Variants in VPS13B observed in about 807,000 individuals in gnomAD.
VPS13B encodes the protein vacuolar protein sorting 13 homolog B.
In VPS13B, 285 loss-of-function variants were observed where a neutral mutation model predicts 426.4. The observed-to-expected ratio is 0.67, with a 90% CI of 0.61 to 0.74. The LOEUF (loss-of-function observed/expected upper bound fraction) is 0.74. VPS13B is among the 30% of genes least tolerant of loss of function. The pLI is 0.00. For synonymous variants in VPS13B, 1,676 were observed against 1,676.4 expected, an observed-to-expected ratio of 1.00 and a Z score of 0.01; for missense variants, 4,537 against 4,782.6, an observed-to-expected ratio of 0.95 and a Z score of 1.51.
chr8:99,645,892 C>T (rs951270783), intron 34 of VPS13B, among the ~76,000 whole-genome samples: 1 of 152,088 alleles, frequency 6.6e-6, no homozygotes, highest in African/African-American at 2.4e-5. Flanking sequence ...CTGAAAAAAG[C>T]ACTGTTCCAT....
chr8:99,755,045 A>G (rs1201347970), intron 39 of VPS13B, among the ~76,000 whole-genome samples: 1 of 152,134 alleles, frequency 6.6e-6, no homozygotes, highest in African/African-American at 2.4e-5. Context: ...TGAGATGTCC[A>G]TGGGGTTTTG....
At chr8:99,360,694 G>A in intron 19 of VPS13B, among the ~76,000 whole-genome samples, 1 of 152,114 alleles carries the variant, frequency 6.6e-6, no homozygotes. Flanking sequence ...ACCGGCTTGA[G>A]TATGATCTAC....
intron 17 of VPS13B, among the ~76,000 whole-genome samples, chr8:99,201,371 A>G (rs190460783): frequency 6.6e-5 from 10 of 152,280 alleles, no homozygotes; most frequent in Admixed American, 6.5e-4. Flanking sequence ...AAAGACTAGA[A>G]TAGAAACTTT....
intron 3 of VPS13B, among the ~76,000 whole-genome samples, chr8:99,054,442 A>G (rs577587003): frequency 6.6e-6 from 1 of 152,224 alleles, no homozygotes; most frequent in East Asian, 1.9e-4. Flanking sequence ...TTCCTTTTGT[A>G]TTCAAGGTAG....
At chr8:99,209,260 T>G in intron 17 of VPS13B, among the ~76,000 whole-genome samples, 1 of 148,728 alleles carries the variant, frequency 6.7e-6, no homozygotes, top group African/African-American at 2.5e-5. Flanking sequence ...TCCAGCCTGG[T>G]GACAGACTGA....
intron 11 of VPS13B, among the ~76,000 whole-genome samples, chr8:99,136,362 T>C (rs1400882686): frequency 6.6e-6 from 1 of 152,136 alleles, no homozygotes. Context: ...ATTAGACAGT[T>C]TTGTGATAGT....
At chr8:99,869,280 CTG>C (rs939455572) in intron 59 of VPS13B, among the ~76,000 whole-genome samples, 3 of 152,334 alleles carry the variant, frequency 2.0e-5, no homozygotes, top group Admixed American at 1.3e-4. Flanking sequence ...TGTGAGCACA[CTG>C]TGTCTGCATC....
chr8:99,510,551 G>C (rs1023761206), intron 28 of VPS13B, among the ~76,000 whole-genome samples: 4 of 152,184 alleles, frequency 2.6e-5, no homozygotes, highest in Non-Finnish European at 5.9e-5. Flanking sequence ...TGCCCAGGTT[G>C]GAGAGCCGTG....
At chr8:99,299,387 A>C (rs1820234673) in intron 19 of VPS13B, among the ~76,000 whole-genome samples, 1 of 151,872 alleles carries the variant, frequency 6.6e-6, no homozygotes, top group Admixed American at 6.6e-5. Flanking sequence ...TTTACGTTTT[A>C]ATTTCTTCAT....
At chr8:99,807,677 T>TG (rs1813472639) in intron 43 of VPS13B, among the ~76,000 whole-genome samples, 9 of 146,272 alleles carry the variant, frequency 6.2e-5, no homozygotes, top group African/African-American at 1.5e-4. Flanking sequence ...CAGGGTGTGT[T>TG]TGTGTGTGTG....
At chr8:99,299,078 T>A (rs534821547) in intron 19 of VPS13B, among the ~76,000 whole-genome samples, 1 of 92,218 alleles carries the variant, frequency 1.1e-5, no homozygotes, top group South Asian at 3.9e-4. Context: ...TTTTTTTTTT[T>A]GAGACAGAGT....
chr8:99,697,463 C>T (rs1475952673), intron 35 of VPS13B: 2 of 726,600 alleles, frequency 2.8e-6, no homozygotes, highest in East Asian at 2.5e-5. Context: ...AATCGACATC[C>T]TCAGCGATGC....
intron 40 of VPS13B, 25 bp from the exon 41 acceptor site, chr8:99,776,750 T>C: frequency 6.2e-7 from 1 of 1,613,860 alleles, no homozygotes; most frequent in Non-Finnish European, 8.5e-7. Context: ...GTTATTGAAC[T>C]TCTTTTATCA....
intron 19 of VPS13B, among the ~76,000 whole-genome samples, chr8:99,336,563 C>G (rs1400023441): frequency 6.6e-6 from 1 of 152,112 alleles, no homozygotes; most frequent in Non-Finnish European, 1.5e-5. Flanking sequence ...AAACTACCAT[C>G]AGAGTGCAGG....
At chr8:99,624,600 C>A (rs1200677804) in intron 33 of VPS13B, among the ~76,000 whole-genome samples, 1 of 152,088 alleles carries the variant, frequency 6.6e-6, no homozygotes, top group African/African-American at 2.4e-5. Context: ...GTCACTGTCC[C>A]ACTGTCTTTA....
At chr8:99,225,788 C>G (rs144832457) in intron 17 of VPS13B, among the ~76,000 whole-genome samples, 5 of 152,256 alleles carry the variant, frequency 3.3e-5, no homozygotes, top group African/African-American at 9.6e-5. Flanking sequence ...CCAATGCTGT[C>G]TCAGTGATCT....
At chr8:99,314,317 G>A (rs535524538) in intron 19 of VPS13B, among the ~76,000 whole-genome samples, 9 of 152,094 alleles carry the variant, frequency 5.9e-5, no homozygotes, top group African/African-American at 1.9e-4. Context: ...AACCACCCCC[G>A]AGACTTGTTT....
intron 58 of VPS13B, among the ~76,000 whole-genome samples, chr8:99,867,416 A>T (rs1190402146): frequency 1.3e-5 from 2 of 152,146 alleles, no homozygotes; most frequent in Non-Finnish European, 2.9e-5. Context: ...CAGCTGTGGG[A>T]GCAGAGCTCC....
intron 19 of VPS13B, among the ~76,000 whole-genome samples, chr8:99,334,142 A>G (rs543149926): frequency 6.6e-6 from 1 of 152,048 alleles, no homozygotes; most frequent in Admixed American, 6.6e-5. Flanking sequence ...AAACTACTAG[A>G]CTTTTTTTCC....
Sources: gnomAD v4.1 joint callset for allele counts (sites outside exome capture counted in the v4.1 genomes callset) on GRCh38, gnomAD v4.1.1 for gene constraint, MANE v1.5 for transcripts, NCBI Gene and HGNC (gene_info 2026-07-23, HGNC 2026-07-21) for gene names.